The following PTGES variants were observed in gnomAD, a reference collection of about 807,000 sequenced individuals.
The protein encoded by PTGES is prostaglandin E synthase, also known as MGST1-like 1.
In PTGES, 3 loss-of-function variants were observed where a neutral mutation model predicts 11.8. That is an observed-to-expected ratio of 0.25 (90% CI 0.12 to 0.66). The LOEUF (loss-of-function observed/expected upper bound fraction) is 0.66. Ranked by LOEUF, PTGES falls within the 30% of genes least tolerant of loss-of-function variation. The pLI, the probability that PTGES is intolerant of heterozygous loss-of-function variation, is 0.82. For missense variants in PTGES, 180 were observed against 213.0 expected, an observed-to-expected ratio of 0.85 and a Z score of 0.96; for synonymous variants, 94 against 90.4, an observed-to-expected ratio of 1.04 and a Z score of -0.22.
At chr9:129,742,378 C>T (rs1339166326) in intron 2 of PTGES, among the ~76,000 whole-genome samples, 1 of 151,306 alleles carries the variant, frequency 6.6e-6, no homozygotes, top group Non-Finnish European at 1.5e-5. Context: ...ATCACTCCGT[C>T]CTCTGGCAAT....
intron 2 of PTGES, among the ~76,000 whole-genome samples, chr9:129,747,821 C>T (rs894331874): frequency 2.0e-5 from 3 of 151,874 alleles, no homozygotes; most frequent in African/African-American, 7.2e-5. Context: ...ACCAGCCTGG[C>T]CAACATAGTG....
At chr9:129,752,154 G>T (rs769209827) in intron 1 of PTGES, among the ~76,000 whole-genome samples, 1 of 152,246 alleles carries the variant, frequency 6.6e-6, no homozygotes, top group Non-Finnish European at 1.5e-5. Flanking sequence ...GGACACAGGG[G>T]AAGACAGAGA....
chr9:129,739,968 T>C lies in PTGES; in HGVS notation c.210-108A>G. 7.6e-7 allele frequency: 1 copy of C among 1,310,758 alleles called. No homozygotes were observed. The highest frequency in any genetic ancestry group is 1.0e-6 in the Non-Finnish European group (1 of 963,880). 81.2% of individuals were successfully genotyped at this position (1,310,758 alleles called of 1,614,324 possible). On this transcript the variant is annotated intron_variant, in intron 2 of 2. Coordinates refer to ENST00000340607, the MANE Select transcript of PTGES (RefSeq NM_004878.5). The surrounding 1 kb of genome is among the most constrained non-coding windows in gnomAD (Gnocchi z 5.7). ...GTGCTTTGACCCACTGGGGGTCATT[T>C]CAGGCATATCACACACTCAAATCCA...
At chr9:129,740,258 T>C (rs1476003076) in intron 2 of PTGES, among the ~76,000 whole-genome samples, 2 of 151,756 alleles carry the variant, frequency 1.3e-5, no homozygotes, top group African/African-American at 4.8e-5. Context: ...AGCCAACGAG[T>C]GGAGGAGCTG....
At chr9:129,741,977 C>T (rs1832998669) in intron 2 of PTGES, among the ~76,000 whole-genome samples, 1 of 151,880 alleles carries the variant, frequency 6.6e-6, no homozygotes, top group African/African-American at 2.4e-5. Context: ...TCAAGTAAGT[C>T]CCTTACCAGG....
chr9:129,748,759 T>A, intron 1 of PTGES, 22 bp from the exon 2 acceptor site: 2 of 1,567,210 alleles, frequency 1.3e-6, no homozygotes, highest in Non-Finnish European at 1.7e-6. Context: ...CAGTTGAGAG[T>A]CACTCCTCGT....
intron 2 of PTGES, among the ~76,000 whole-genome samples, chr9:129,740,542 G>A (rs1377304763): frequency 2.0e-5 from 3 of 152,190 alleles, no homozygotes; most frequent in East Asian, 3.8e-4. Flanking sequence ...CCCCGGTGAA[G>A]CTCTTCATTT....
chr9:129,739,587 G>A lies in PTGES; in HGVS notation c.*24C>T. ...GGCGGCTCTTGGCCCATGGTCTGGT[G>A]GCCAAGGAGGCATCAGCTGCTGGTC... is the stretch of plus-strand genomic sequence containing the variant. On this transcript the variant is annotated 3_prime_UTR_variant, in exon 3 of 3. Transcript: ENST00000340607. The surrounding 1 kb of genome is among the most constrained non-coding windows in gnomAD (Gnocchi z 5.7). The A allele has an allele frequency of 6.5e-7, 1 of 1,545,134 alleles. No homozygotes were observed.
rs1289776419 is a variant in PTGES at position 129,745,204 on chromosome 9, T to C, written c.209+3451A>G. ...CCACACAGGTAACCCCTCCGTGCAG[T>C]TCCACACACCCAACCTCAGATTCTG... On this transcript the variant is annotated intron_variant, in intron 2 of 2. Transcript: ENST00000340607. This position sits in a 1 kb window ranked among gnomAD's most constrained non-coding sequence, Gnocchi z 4.2. Among the ~76,000 whole-genome samples, 1 of 152,170 alleles carries C rather than the reference T, an allele frequency of 6.6e-6. No homozygotes were observed. The highest frequency in any genetic ancestry group is 1.9e-4 in the East Asian group (1 of 5,196).
At chr9:129,744,126 G>T (rs79401942) in intron 2 of PTGES, among the ~76,000 whole-genome samples, 485 of 152,288 alleles carry the variant, frequency 3.2e-3, no homozygotes, top group African/African-American at 0.011. Context: ...AGGGATTACA[G>T]ATGTGAGCCA....
chr9:129,747,239 C>CA (rs1833056921), intron 2 of PTGES, among the ~76,000 whole-genome samples: 1 of 152,116 alleles, frequency 6.6e-6, no homozygotes, highest in Non-Finnish European at 1.5e-5. Context: ...AAAGTGTTCG[C>CA]AAAATAATGT....
At chr9:129,750,674 C>T (rs904556164) in intron 1 of PTGES, among the ~76,000 whole-genome samples, 4 of 152,130 alleles carry the variant, frequency 2.6e-5, no homozygotes, top group Admixed American at 2.6e-4. Flanking sequence ...CCTGAGGCTG[C>T]GATGCTCATG....
rs570417396 is a variant in PTGES, at chr9:129,751,200, A to G, written c.126+1687T>C. On this transcript the variant is annotated intron_variant, in intron 1 of 2. Coordinates refer to ENST00000340607, the MANE Select transcript of PTGES (RefSeq NM_004878.5). ...AAATTAGGAGCAGTGACGCACACCT[A>G]TAGTCCCAGCTACTTGGGAGGCTGA... Among the ~76,000 whole-genome samples the G allele has an allele frequency of 5.3e-5, 8 of 152,078 alleles. No individual in the cohort carries two copies. The South Asian group carries it at 6.2e-4, about 12-fold the overall frequency.
chr9:129,752,787 C>T lies in PTGES; in HGVS notation c.126+100G>A, dbSNP rs991813545. Reference sequence around the variant, plus strand: ...AAGAGGTGCTCACCTCCCAGCCCTGCACACACCTTGGCCATGTTTCCCTAT... The same window carrying T: ...AAGAGGTGCTCACCTCCCAGCCCTGTACACACCTTGGCCATGTTTCCCTAT... On this transcript the variant is annotated intron_variant, in intron 1 of 2. Transcript: ENST00000340607. 3.8e-6 allele frequency: 6 copies of T among 1,583,046 alleles called. No individual in the cohort carries two copies. In the African/African-American group the frequency reaches 6.7e-5, roughly 18 times the overall value.
At chr9:129,748,790 C>G in intron 1 of PTGES, 53 bp from the exon 2 acceptor site, 1 of 1,456,832 alleles carries the variant, frequency 6.9e-7, no homozygotes, top group South Asian at 1.2e-5. Flanking sequence ...GCCCAGTCAC[C>G]TGGGGCTATG....
At position 129,745,573 on chromosome 9, in the gene PTGES, G is replaced by T. The variant is rs1418367612; in HGVS notation, c.209+3082C>A. Among the ~76,000 whole-genome samples the T allele has an allele frequency of 6.6e-6, 1 of 152,202 alleles. No homozygotes were observed. Among genetic ancestry groups the T allele is most frequent in the African/African-American group, 2.4e-5 (1 of 41,444 alleles). On this transcript the variant is annotated intron_variant, in intron 2 of 2. Transcript: ENST00000340607. This position sits in a 1 kb window ranked among gnomAD's most constrained non-coding sequence, Gnocchi z 4.2. The stretch of plus-strand genomic sequence containing the variant: ...TTCTGTGAAATCAGGTGGCAGAGGA[G>T]GGGCCCAGGGGACCCAGGCACTCCC...
At chr9:129,752,754 G>A (rs933345948) in intron 1 of PTGES, 133 bp downstream of exon 1, 34 of 1,356,024 alleles carry the variant, frequency 2.5e-5, no homozygotes, top group Middle Eastern at 4.4e-4. Context: ...GCCCCCCGGC[G>A]GGGCTGGAAG....
intron 1 of PTGES, chr9:129,749,769 G>C (rs1039719382): frequency 6.6e-6 from 1 of 152,500 alleles, no homozygotes; most frequent in African/African-American, 2.4e-5. Flanking sequence ...AGGCCCTGAG[G>C]CTGGAAGAAG....
At chr9:129,750,145 G>A (rs969093301) in intron 1 of PTGES, among the ~76,000 whole-genome samples, 10 of 152,282 alleles carry the variant, frequency 6.6e-5, no homozygotes, top group African/African-American at 2.4e-4. Context: ...ATCATCAGAG[G>A]CCCATGACTC....
Sources: gnomAD v4.1 joint callset for allele counts (sites outside exome capture counted in the v4.1 genomes callset) on GRCh38, gnomAD v4.1.1 for gene constraint, Gnocchi (gnomAD v3.1) non-coding constraint, MANE v1.5 for transcripts, NCBI Gene and HGNC (gene_info 2026-07-23, HGNC 2026-07-21) for gene names.